SPMIP7: variants seen among roughly 807,000 people sequenced by gnomAD.
SPMIP7 encodes the protein sperm microtubule inner protein 7.
chr7:50,130,416 A>C, the SPMIP7 span, among the ~76,000 whole-genome samples: 1 of 152,062 alleles, frequency 6.6e-6, no homozygotes. Flanking sequence ...AGATCTCGTG[A>C]GACTTATTCA....
chr7:50,133,680 C>T, the SPMIP7 span, among the ~76,000 whole-genome samples: 1 of 152,070 alleles, frequency 6.6e-6, no homozygotes, highest in Admixed American at 6.6e-5. Context: ...TTCTCATCTT[C>T]CGGGATCATT....
chr7:50,121,477 A>G, the SPMIP7 span: 1 of 152,158 alleles, frequency 6.6e-6, no homozygotes, highest in South Asian at 2.1e-4. Flanking sequence ...CAAACACAGA[A>G]CTGTAACCAT....
At chr7:50,102,771 CA>C in the SPMIP7 span, among the ~76,000 whole-genome samples, 2 of 151,774 alleles carry the variant, frequency 1.3e-5, no homozygotes, top group Non-Finnish European at 2.9e-5. Flanking sequence ...ATATTACAAC[CA>C]CTAATTGTTA....
chr7:50,131,422 C>T, the SPMIP7 span, among the ~76,000 whole-genome samples: 127,228 of 152,154 alleles, frequency 0.84, 53,236 homozygotes, highest in East Asian at 0.92. Context: ...ATATGTCAAG[C>T]AGGCAGTGTG....
chr7:50,126,664 G>A, the SPMIP7 span, among the ~76,000 whole-genome samples: 2 of 151,802 alleles, frequency 1.3e-5, no homozygotes, highest in African/African-American at 2.4e-5. Flanking sequence ...ATAATTTATA[G>A]AAAAGATATA....
the SPMIP7 span, chr7:50,121,459 A>C: frequency 6.6e-6 from 1 of 152,210 alleles, no homozygotes; most frequent in Non-Finnish European, 1.5e-5. Context: ...AAAGATGTTA[A>C]ACTAAGGCAA....
At chr7:50,126,715 A>G in the SPMIP7 span, among the ~76,000 whole-genome samples, 1 of 152,116 alleles carries the variant, frequency 6.6e-6, no homozygotes, top group African/African-American at 2.4e-5. Context: ...GCAAATATTC[A>G]CTTACCATTA....
the SPMIP7 span, among the ~76,000 whole-genome samples, chr7:50,145,119 C>A: frequency 6.6e-6 from 1 of 151,782 alleles, no homozygotes; most frequent in African/African-American, 2.4e-5. Context: ...AAAAATTTGC[C>A]AGGCTTGGTG....
chr7:50,113,453 A>C, the SPMIP7 span, among the ~76,000 whole-genome samples: 2 of 152,188 alleles, frequency 1.3e-5, no homozygotes, highest in African/African-American at 2.4e-5. Context: ...TCATATGTTC[A>C]GATCATAGAG....
chr7:50,127,435 T>C, the SPMIP7 span, among the ~76,000 whole-genome samples: 3 of 150,660 alleles, frequency 2.0e-5, no homozygotes, highest in African/African-American at 4.9e-5. Context: ...AAAAGCTCTG[T>C]ACAGAAAAAA....
At chr7:50,132,309 G>T in the SPMIP7 span, among the ~76,000 whole-genome samples, 1 of 151,886 alleles carries the variant, frequency 6.6e-6, no homozygotes, top group African/African-American at 2.4e-5. Flanking sequence ...TAACCAAATG[G>T]CTCATAAATT....
At chr7:50,147,110 A>AT in the SPMIP7 span, among the ~76,000 whole-genome samples, 1 of 152,208 alleles carries the variant, frequency 6.6e-6, no homozygotes, top group Non-Finnish European at 1.5e-5. Context: ...TTAAATGTGC[A>AT]TTTTTTAAAT....
At chr7:50,154,496 C>A in the SPMIP7 span, among the ~76,000 whole-genome samples, 2 of 152,202 alleles carry the variant, frequency 1.3e-5, no homozygotes, top group Admixed American at 6.5e-5. Flanking sequence ...TGAGATAGTG[C>A]AACATGTTTC....
chr7:50,149,560 G>A, the SPMIP7 span, among the ~76,000 whole-genome samples: 2 of 152,304 alleles, frequency 1.3e-5, no homozygotes, highest in South Asian at 2.1e-4. Context: ...CCTGCTTCTC[G>A]ATGCAGTGGG....
chr7:50,110,241 GA>G, the SPMIP7 span, among the ~76,000 whole-genome samples: 2 of 151,312 alleles, frequency 1.3e-5, no homozygotes, highest in Non-Finnish European at 2.9e-5. Flanking sequence ...ATCAACCAGA[GA>G]AAAACTGCAT....
At chr7:50,119,086 T>C in the SPMIP7 span, among the ~76,000 whole-genome samples, 15 of 152,144 alleles carry the variant, frequency 9.9e-5, no homozygotes, top group Non-Finnish European at 4.4e-5. Context: ...AACCTGGAGA[T>C]TGGATCTTCT....
the SPMIP7 span, among the ~76,000 whole-genome samples, chr7:50,145,620 A>G: frequency 8.7e-4 from 42 of 48,048 alleles, no homozygotes; most frequent in African/African-American, 2.8e-3. Context: ...ATGTGTGTGT[A>G]TATATATATA....
chr7:50,103,391 G>A, the SPMIP7 span, among the ~76,000 whole-genome samples: 3 of 152,116 alleles, frequency 2.0e-5, no homozygotes, highest in Non-Finnish European at 4.4e-5. Flanking sequence ...CCAAACCAAA[G>A]TAATCTATCT....
the SPMIP7 span, among the ~76,000 whole-genome samples, chr7:50,098,623 T>C: frequency 4.6e-5 from 7 of 152,196 alleles, no homozygotes; most frequent in African/African-American, 1.7e-4. Flanking sequence ...GTATATTTGA[T>C]TGCTGGTAAA....
Sources: allele counts gnomAD v4.1 joint callset (sites outside exome capture counted in the v4.1 genomes callset), GRCh38; gene constraint gnomAD v4.1.1; transcripts MANE v1.5; gene names NCBI Gene and HGNC (gene_info 2026-07-23, HGNC 2026-07-21).